Variants in AFF3 observed in about 807,000 individuals in gnomAD.
AFF3 encodes the protein AF4/FMR2 family member 3.
Under a neutral mutation model 129.7 loss-of-function variants are expected in AFF3, and 32 were observed. That is an observed-to-expected ratio of 0.25 (90% CI 0.19 to 0.33). The LOEUF is 0.33. Among genes scored for constraint, AFF3 ranks in the 10% least tolerant of loss-of-function variants. The pLI is 1.00. For missense variants in AFF3, 1,373 were observed against 1,592.0 expected, an observed-to-expected ratio of 0.86 and a Z score of 2.34; for synonymous variants, 644 against 635.4, an observed-to-expected ratio of 1.01 and a Z score of -0.20.
chr2:99,704,576 G>C, intron 11 of AFF3, among the ~76,000 whole-genome samples: 1 of 152,196 alleles, frequency 6.6e-6, no homozygotes, highest in East Asian at 1.9e-4. Context: ...AGATCCCTTA[G>C]GAGGTCAATC....
chr2:100,068,573 T>C (rs1687913810), intron 4 of AFF3, among the ~76,000 whole-genome samples: 1 of 152,228 alleles, frequency 6.6e-6, no homozygotes, highest in South Asian at 2.1e-4. Flanking sequence ...ACTTGACTTA[T>C]TCTGGATAGC....
chr2:99,689,026 C>T (rs776046194), intron 11 of AFF3, among the ~76,000 whole-genome samples: 22 of 152,302 alleles, frequency 1.4e-4, no homozygotes, highest in Non-Finnish European at 2.4e-4. Flanking sequence ...TTGACTTCCT[C>T]TCTCTCCTCC....
chr2:99,592,676 G>A (rs1259747396), intron 15 of AFF3, among the ~76,000 whole-genome samples: 2 of 152,208 alleles, frequency 1.3e-5, no homozygotes, highest in Non-Finnish European at 2.9e-5. Context: ...GCTCATGCCT[G>A]TAATCCCAGC....
intron 12 of AFF3, among the ~76,000 whole-genome samples, chr2:99,650,796 A>ATGTGTG (rs142082185): frequency 3.2e-4 from 47 of 144,832 alleles, no homozygotes; most frequent in South Asian, 9.0e-4. Context: ...ACTAAAATTA[A>ATGTGTG]TGTGTGTGTG....
rs542593235 is a variant in AFF3, at chr2:99,825,954, T to TG, written c.921+11522dup. Among the ~76,000 whole-genome samples the TG allele has an allele frequency of 2.6e-5, 4 of 152,288 alleles. No homozygotes were observed. The East Asian group carries it at 7.7e-4, about 29-fold the overall frequency. ...CTTCAGGACTAGAAGGACAAAAGGG[T>TG]GAAGAGCAAGAGGTCAAAATCATTC... On this transcript the variant is annotated intron_variant, in intron 8 of 24. Transcript: ENST00000672756.
chr2:99,548,307 A>C lies in AFF3; in HGVS notation c.*3167T>G. The C allele has an allele frequency of 5.0e-6, 1 of 201,604 alleles. No individual in the cohort carries two copies. Among genetic ancestry groups the C allele is most frequent in the Admixed American group, 6.0e-5 (1 of 16,686 alleles). 12.5% of individuals were successfully genotyped at this position (201,604 alleles called of 1,614,324 possible). A position where few individuals can be genotyped will look rare whatever the true frequency, so the allele number is the denominator to read the frequency against. On this transcript the variant is annotated 3_prime_UTR_variant, in exon 25 of 25. Transcript: ENST00000672756. The stretch of plus-strand genomic sequence containing the variant: ...GAGAGTCTCTGGAAGGATATACATC[A>C]AACTGTGAGCAGTGGTTGTCTCAGG...
intron 14 of AFF3, among the ~76,000 whole-genome samples, chr2:99,600,587 G>T (rs1390768884): frequency 1.3e-5 from 2 of 152,072 alleles, no homozygotes; most frequent in Non-Finnish European, 2.9e-5. Context: ...GGTACAGAGG[G>T]CTGTAAGTAA....
chr2:99,601,735 A>G, intron 13 of AFF3, 114 bp from the exon 14 acceptor site: 1 of 1,243,850 alleles, frequency 8.0e-7, no homozygotes, highest in African/African-American at 1.5e-5. Flanking sequence ...CGCAGCCTAC[A>G]CATCTGTCAA....
intron 4 of AFF3, among the ~76,000 whole-genome samples, chr2:100,039,583 C>G (rs113070281): frequency 1.7e-3 from 257 of 152,184 alleles, no homozygotes; most frequent in African/African-American, 5.8e-3. Flanking sequence ...GGCCCTCCCC[C>G]ATGGCCAATG....
At chr2:100,136,311 G>A (rs112315604) in intron 1 of AFF3, among the ~76,000 whole-genome samples, 3,898 of 152,258 alleles carry the variant, frequency 0.026, 70 homozygotes, top group Non-Finnish European at 0.038. Context: ...TCACCACCCG[G>A]AGATGTGGGA....
intron 13 of AFF3, among the ~76,000 whole-genome samples, chr2:99,641,765 T>C (rs1274633179): frequency 6.6e-6 from 1 of 152,176 alleles, no homozygotes; most frequent in African/African-American, 2.4e-5. Flanking sequence ...GCATTCTTCC[T>C]TCCTCACCAA....
chr2:100,108,340 G>T (rs540399310), intron 2 of AFF3, among the ~76,000 whole-genome samples: 4 of 152,234 alleles, frequency 2.6e-5, no homozygotes, highest in South Asian at 4.2e-4. Flanking sequence ...TCTAACCTAG[G>T]ATTCGAGGTG....
chr2:99,726,610 G>C (rs1258306166), intron 11 of AFF3, among the ~76,000 whole-genome samples: 1 of 152,202 alleles, frequency 6.6e-6, no homozygotes, highest in East Asian at 1.9e-4. Flanking sequence ...TTTTAAAACT[G>C]CTTTTGTTAA....
chr2:99,933,894 G>C (rs1455953116), intron 7 of AFF3, among the ~76,000 whole-genome samples: 1 of 152,160 alleles, frequency 6.6e-6, no homozygotes, highest in East Asian at 1.9e-4. Flanking sequence ...TAGTTAAAAA[G>C]GGAGGGATGG....
chr2:100,103,993 G>C (rs906872395), intron 4 of AFF3, among the ~76,000 whole-genome samples: 1 of 151,500 alleles, frequency 6.6e-6, no homozygotes, highest in African/African-American at 2.4e-5. Flanking sequence ...CAACTCCAGG[G>C]GGTCGGTGGT....
intron 22 of AFF3, among the ~76,000 whole-genome samples, chr2:99,558,408 G>C (rs893679036): frequency 6.6e-6 from 1 of 152,076 alleles, no homozygotes; most frequent in Non-Finnish European, 1.5e-5. Flanking sequence ...ATCACCTGAG[G>C]TCAGGAGTTC....
At chr2:99,657,474 A>G (rs1157669779) in intron 12 of AFF3, among the ~76,000 whole-genome samples, 1 of 152,174 alleles carries the variant, frequency 6.6e-6, no homozygotes, top group East Asian at 1.9e-4. Context: ...GATGGCAGAG[A>G]TCCTAGCTCA....
chr2:100,073,904 GA>G (rs1183233791), intron 4 of AFF3, among the ~76,000 whole-genome samples: 2 of 152,140 alleles, frequency 1.3e-5, no homozygotes, highest in African/African-American at 4.8e-5. Context: ...ACCTGAATAA[GA>G]GACTAATGAA....
intron 2 of AFF3, among the ~76,000 whole-genome samples, chr2:100,124,430 G>A (rs971732447): frequency 1.2e-4 from 19 of 152,332 alleles, no homozygotes; most frequent in Middle Eastern, 3.4e-3. Context: ...AATCAAGTGT[G>A]AAGGCAGAAT....
Sources: allele counts gnomAD v4.1 joint callset (sites outside exome capture counted in the v4.1 genomes callset), GRCh38; gene constraint gnomAD v4.1.1; transcripts MANE v1.5; gene names NCBI Gene and HGNC (gene_info 2026-07-23, HGNC 2026-07-21).